Variants in KLHL32 observed in about 807,000 individuals in gnomAD.
KLHL32 encodes the protein kelch-like protein 32.
Under a neutral mutation model 64.8 loss-of-function variants are expected in KLHL32, and 35 were observed. The observed-to-expected ratio is 0.54, with a 90% CI of 0.41 to 0.72. The LOEUF (loss-of-function observed/expected upper bound fraction) is 0.72, where lower values mean the gene tolerates loss of function less well. Among genes scored for constraint, KLHL32 ranks in the 30% least tolerant of loss-of-function variants. The probability of loss-of-function intolerance (pLI) is 0.00; values close to 1 mark genes in which losing one functional copy is unlikely to be tolerated. For missense variants in KLHL32, 589 were observed against 768.5 expected (o/e 0.77, Z 2.76); for synonymous variants, 259 against 281.0 (o/e 0.92, Z 0.78).
At chr6:96,970,181 T>A (rs1774956653) in intron 2 of KLHL32, among the ~76,000 whole-genome samples, 1 of 152,164 alleles carries the variant, frequency 6.6e-6, no homozygotes, top group Non-Finnish European at 1.5e-5. Context: ...ACAGCCACAG[T>A]CCAGGTCTGC....
At chr6:96,969,322 ATAT>A (rs1422412672) in intron 2 of KLHL32, among the ~76,000 whole-genome samples, 1 of 152,108 alleles carries the variant, frequency 6.6e-6, no homozygotes, top group Non-Finnish European at 1.5e-5. Flanking sequence ...CTTTTTCAAA[ATAT>A]GGTTGTACTT....
rs1324939531 is a variant in KLHL32 at position 97,038,060 on chromosome 6, G to T, written c.205-3432G>T. Among the ~76,000 whole-genome samples the T allele has an allele frequency of 2.6e-5, 4 of 152,136 alleles. No homozygotes were observed. The East Asian group carries it at 7.7e-4, about 29-fold the overall frequency. ...GACTTAAATCTAAGGCCCCAACTAT[G>T]AAATAACTAGAAGACAATATTGGGG... On this transcript the variant is annotated intron_variant, in intron 3 of 10. Transcript: ENST00000369261.
chr6:97,063,952 T>A (rs1239563047), intron 4 of KLHL32, among the ~76,000 whole-genome samples: 1 of 152,206 alleles, frequency 6.6e-6, no homozygotes, highest in Non-Finnish European at 1.5e-5. Flanking sequence ...GGTAGATAAT[T>A]GGACTTAACA....
chr6:96,965,909 A>G (rs1430272531), intron 1 of KLHL32, among the ~76,000 whole-genome samples: 6 of 152,224 alleles, frequency 3.9e-5, no homozygotes, highest in Non-Finnish European at 7.4e-5. Flanking sequence ...TGTGTGAAAA[A>G]TGTTCAAAGC....
At chr6:96,903,074 A>C in the KLHL32 span, among the ~76,000 whole-genome samples, 2 of 152,230 alleles carry the variant, frequency 1.3e-5, no homozygotes, top group South Asian at 4.2e-4. Flanking sequence ...AATTTCTTTA[A>C]AGGACTGAAG....
At chr6:97,000,948 A>G (rs1032065862) in intron 3 of KLHL32, among the ~76,000 whole-genome samples, 14 of 152,240 alleles carry the variant, frequency 9.2e-5, no homozygotes, top group Admixed American at 5.9e-4. Flanking sequence ...TATCTATTCT[A>G]TGAATCCAAC....
intron 6 of KLHL32, among the ~76,000 whole-genome samples, chr6:97,093,774 T>C (rs1794589523): frequency 6.6e-6 from 1 of 152,322 alleles, no homozygotes; most frequent in Non-Finnish European, 1.5e-5. Context: ...GGGAACCATC[T>C]TTTATTCCTT....
intron 7 of KLHL32, among the ~76,000 whole-genome samples, chr6:97,117,511 G>T (rs539541725): frequency 6.6e-6 from 1 of 152,236 alleles, no homozygotes; most frequent in Non-Finnish European, 1.5e-5. Context: ...CTTGAAACCT[G>T]TTTATAGTTT....
chr6:96,938,380 G>A (rs1770869362), intron 1 of KLHL32, among the ~76,000 whole-genome samples: 1 of 152,198 alleles, frequency 6.6e-6, no homozygotes, highest in South Asian at 2.1e-4. Context: ...CCCTGGCCAG[G>A]TGGTACTGGG....
At chr6:96,930,203 A>G (rs1335576436) in intron 1 of KLHL32, among the ~76,000 whole-genome samples, 1 of 152,192 alleles carries the variant, frequency 6.6e-6, no homozygotes, top group Non-Finnish European at 1.5e-5. Flanking sequence ...TGGAGGAGGC[A>G]TTTTGCAATT....
At chr6:97,132,510 G>T in intron 9 of KLHL32, 143 bp from the exon 10 acceptor site, 1 of 627,118 alleles carries the variant, frequency 1.6e-6, no homozygotes, top group Non-Finnish European at 2.8e-6. Flanking sequence ...AGTACTGGGA[G>T]GCAGTGATTA....
intron 5 of KLHL32, among the ~76,000 whole-genome samples, chr6:97,066,955 A>G (rs1177708810): frequency 6.6e-6 from 1 of 152,170 alleles, no homozygotes; most frequent in African/African-American, 2.4e-5. Flanking sequence ...CAATGCTGAT[A>G]TATTCTCTAT....
chr6:97,114,320 G>C lies in KLHL32; in HGVS notation c.1165G>C (p.Glu389Gln). 6.2e-7 allele frequency: 1 copy of C among 1,614,164 alleles called. No homozygotes were observed. Among genetic ancestry groups the C allele is most frequent in the South Asian group, 1.1e-5 (1 of 91,082 alleles). The stretch of plus-strand genomic sequence containing the variant: ...GATAGCACCCATGAAAAACTGCCGG[G>C]AGCATTTTGTGCTGGGTGCCATGGA... Reference protein sequence around the residue: ...AEIAPMKNCREHFVLGAMEEY... With the variant: ...AEIAPMKNCRQHFVLGAMEEY... The change falls in exon 7 of 11, where the codon GAG (glutamate) becomes CAG (glutamine). Residue 389 changes from glutamate (E) to glutamine (Q), a missense_variant. Transcript: ENST00000369261.
chr6:96,921,405 G>A (rs1161940388), upstream of KLHL32, among the ~76,000 whole-genome samples: 2 of 152,200 alleles, frequency 1.3e-5, no homozygotes, highest in Non-Finnish European at 2.9e-5. Flanking sequence ...CTGATGAATA[G>A]GATGAATTAG....
At chr6:96,943,036 T>TACACACACACACACAC (rs113696398) in intron 1 of KLHL32, among the ~76,000 whole-genome samples, 1 of 146,326 alleles carries the variant, frequency 6.8e-6, no homozygotes, top group East Asian at 2.1e-4. Flanking sequence ...ATGCTCCCTC[T>TACACACACACACACAC]ACACACACAC....
intron 3 of KLHL32, among the ~76,000 whole-genome samples, chr6:97,038,137 A>C (rs539028196): frequency 9.2e-5 from 14 of 152,296 alleles, no homozygotes; most frequent in Admixed American, 5.9e-4. Context: ...TTAAGACCCC[A>C]AAAACACAGG....
Position 97,130,747 on chromosome 6 carries a change from C to CT in KLHL32, c.1414-4dup, listed in dbSNP as rs751942997. 2 of 1,595,212 alleles carry CT rather than the reference C, an allele frequency of 1.3e-6. No homozygotes were observed. The highest frequency in any genetic ancestry group is 2.7e-5 in the African/African-American group (2 of 74,058). ...CTACTAACAGAATACACTTAAATTT[C>CT]TTTTTTCAGAATAAGTGGATAAGCC... On this transcript the variant is annotated splice_polypyrimidine_tract_variant and intron_variant, in intron 8 of 10. Coordinates refer to ENST00000369261, the MANE Select transcript of KLHL32 (RefSeq NM_052904.4).
At chr6:96,982,920 C>G (rs1018545790) in intron 3 of KLHL32, among the ~76,000 whole-genome samples, 12 of 152,364 alleles carry the variant, frequency 7.9e-5, no homozygotes, top group East Asian at 3.9e-4. Flanking sequence ...ACACTATGTT[C>G]AATAGGAGTG....
At chr6:96,905,718 T>C in the KLHL32 span, among the ~76,000 whole-genome samples, 1 of 152,236 alleles carries the variant, frequency 6.6e-6, no homozygotes, top group Admixed American at 6.5e-5. Context: ...TATAACAAAA[T>C]ACTAATATAA....
Sources: gnomAD v4.1 joint callset for allele counts (sites outside exome capture counted in the v4.1 genomes callset) on GRCh38, gnomAD v4.1.1 for gene constraint, MANE v1.5 for transcripts, NCBI Gene and HGNC (gene_info 2026-07-23, HGNC 2026-07-21) for gene names.